Variants in RAMP1 observed in about 807,000 individuals in gnomAD.
The protein encoded by RAMP1 is receptor activity modifying protein 1, also known as receptor activity-modifying protein 1.
Under a neutral mutation model 8.2 loss-of-function variants are expected in RAMP1, and 7 were observed. That is an observed-to-expected ratio of 0.85 (90% CI 0.49 to 1.60). RAMP1 has a LOEUF of 1.60. Among genes scored for constraint, RAMP1 ranks in the 40% most tolerant of loss-of-function variants. The pLI, the probability that RAMP1 is intolerant of heterozygous loss-of-function variation, is 0.00. For missense variants in RAMP1, 192 were observed against 202.4 expected (o/e 0.95, Z 0.31); for synonymous variants, 92 against 84.7 (o/e 1.09, Z -0.47).
intron 2 of RAMP1, among the ~76,000 whole-genome samples, chr2:237,906,914 G>A (rs1257576530): frequency 3.3e-5 from 5 of 151,920 alleles, no homozygotes; most frequent in Admixed American, 6.6e-5. Flanking sequence ...GTAGAGATGA[G>A]GTTTCACCAT....
At chr2:237,892,879 T>G (rs2062500415) in intron 2 of RAMP1, among the ~76,000 whole-genome samples, 1 of 152,210 alleles carries the variant, frequency 6.6e-6, no homozygotes, top group African/African-American at 2.4e-5. Flanking sequence ...TTTACGCTGT[T>G]TTTCTGACAG....
At chr2:237,891,271 C>G (rs1458449818) in intron 2 of RAMP1, among the ~76,000 whole-genome samples, 1 of 151,910 alleles carries the variant, frequency 6.6e-6, no homozygotes. Flanking sequence ...CTGCCTCAGA[C>G]TCCTGAGTAG....
intron 2 of RAMP1, among the ~76,000 whole-genome samples, chr2:237,881,851 GT>G (rs146505309): frequency 6.8e-6 from 1 of 146,976 alleles, no homozygotes; most frequent in African/African-American, 2.5e-5. Context: ...TTTCAACTTT[GT>G]TTTTTTTTTC....
chr2:237,906,382 A>G (rs936880239), intron 2 of RAMP1, among the ~76,000 whole-genome samples: 2 of 152,116 alleles, frequency 1.3e-5, no homozygotes, highest in African/African-American at 2.4e-5. Flanking sequence ...CAGGAAGGAA[A>G]AACAGTGACC....
chr2:237,884,003 G>T (rs974228558), intron 2 of RAMP1, among the ~76,000 whole-genome samples: 1 of 144,208 alleles, frequency 6.9e-6, no homozygotes, highest in Non-Finnish European at 1.5e-5. Flanking sequence ...GGATCTGCAC[G>T]CAGGTGCTTG....
intron 2 of RAMP1, among the ~76,000 whole-genome samples, chr2:237,899,657 G>T (rs190349260): frequency 1.3e-5 from 2 of 152,242 alleles, no homozygotes; most frequent in Non-Finnish European, 2.9e-5. Flanking sequence ...AGGTGGAAGC[G>T]AAGGGCATCT....
Position 237,911,831 on chromosome 2 carries a change from C to G in RAMP1, c.*48C>G. 1 of 1,543,870 alleles carries G rather than the reference C, an allele frequency of 6.5e-7. No homozygotes were observed. The highest frequency in any genetic ancestry group is 8.8e-7 in the Non-Finnish European group (1 of 1,141,376). On this transcript the variant is annotated 3_prime_UTR_variant, in exon 3 of 3. Coordinates refer to ENST00000254661, the MANE Select transcript of RAMP1 (RefSeq NM_005855.4). The stretch of plus-strand genomic sequence containing the variant: ...GTGCACCCAGGCTGCAGGGTGAGGC[C>G]AGGCAGGCCTGGGTAGGGGCAGCTT...
intron 2 of RAMP1, among the ~76,000 whole-genome samples, chr2:237,888,512 G>C (rs2062457988): frequency 6.6e-6 from 1 of 152,192 alleles, no homozygotes; most frequent in Non-Finnish European, 1.5e-5. Context: ...GATTTCCTCT[G>C]TAGTTTTAGT....
chr2:237,892,457 A>G lies in RAMP1; in HGVS notation c.191+15095A>G, dbSNP rs144568214. On this transcript the variant is annotated intron_variant, in intron 2 of 2. Transcript: ENST00000254661. ...CTATTTTTTGTAGAGATGGGGTCTC[A>G]CTGTGTTGCCCAGGCTGGTCTTGAA... 9.9e-3 allele frequency among the ~76,000 whole-genome samples: 1,509 copies of G among 151,816 alleles called. 30 individuals are homozygous for G. Among genetic ancestry groups the G allele is most frequent in the African/African-American group, 0.035 (1,456 of 41,378 alleles).
intron 1 of RAMP1, 98 bp downstream of exon 1, chr2:237,859,825 G>T (rs1427716156): frequency 1.8e-6 from 2 of 1,124,154 alleles, no homozygotes; most frequent in Non-Finnish European, 2.3e-6. Context: ...GGTGGGAGCG[G>T]GTGGGGGCGG....
chr2:237,876,039 C>A (rs139364603), intron 1 of RAMP1, among the ~76,000 whole-genome samples: 2 of 152,150 alleles, frequency 1.3e-5, no homozygotes, highest in Non-Finnish European at 2.9e-5. Context: ...GTTCCCCCAT[C>A]CGTAAATTGC....
Position 237,911,786 on chromosome 2 carries a change from G to C in RAMP1, c.*3G>C, listed in dbSNP as rs142474660. On this transcript the variant is annotated 3_prime_UTR_variant, in exon 3 of 3. Coordinates refer to ENST00000254661, the MANE Select transcript of RAMP1 (RefSeq NM_005855.4). ...AGCGCACTGAGGGCATTGTGTAGGC[G>C]GGGCCCAGGCTGCCCGCGGGTGCAC... The C allele has an allele frequency of 2.1e-3, 3,299 of 1,598,538 alleles. 71 individuals carry two copies. In the African/African-American group the frequency reaches 0.039, roughly 19 times the overall value.
At chr2:237,881,355 G>A (rs917613366) in intron 2 of RAMP1, among the ~76,000 whole-genome samples, 14 of 152,244 alleles carry the variant, frequency 9.2e-5, no homozygotes, top group Admixed American at 5.9e-4. Context: ...GTTGTGGCCA[G>A]TATTTTCCCA....
chr2:237,877,248 C>T lies in RAMP1; in HGVS notation c.77C>T (p.Ala26Val). The change falls in exon 2 of 3, where the codon GCC becomes GTC. Residue 26 changes from alanine to valine, a missense_variant. Physicochemically the swap from Ala to Val is moderately conservative, Grantham distance 64. Coordinates refer to ENST00000254661, the MANE Select transcript of RAMP1 (RefSeq NM_005855.4). This position sits in a 1 kb window ranked among gnomAD's most constrained non-coding sequence, Gnocchi z 4.4. Reference sequence around the variant, plus strand: ...GCCCATCACCTCTTCATGACCACTGCCTGCCAGGAGGCTAACTACGGTGCC... The same window carrying T: ...GCCCATCACCTCTTCATGACCACTGTCTGCCAGGAGGCTAACTACGGTGCC... The part of the protein sequence containing the change: ...LLAHHLFMTT[A>V]CQEANYGALL... 1.9e-6 allele frequency: 3 copies of T among 1,614,046 alleles called. No individual in the cohort carries two copies. The highest frequency in any genetic ancestry group is 1.1e-5 in the South Asian group (1 of 91,080).
chr2:237,908,012 G>A (rs145396595), intron 2 of RAMP1, among the ~76,000 whole-genome samples: 5 of 152,318 alleles, frequency 3.3e-5, no homozygotes, highest in Non-Finnish European at 7.3e-5. Flanking sequence ...CTGGGTTTGG[G>A]ATTTGTCATT....
intron 1 of RAMP1, among the ~76,000 whole-genome samples, chr2:237,872,233 T>C (rs572403153): frequency 1.8e-3 from 280 of 152,292 alleles, no homozygotes; most frequent in African/African-American, 6.3e-3. Context: ...GGCAGCCTAT[T>C]CTCGGCCTGC....
chr2:237,861,938 G>T (rs2151000735), intron 1 of RAMP1, among the ~76,000 whole-genome samples: 1 of 152,036 alleles, frequency 6.6e-6, no homozygotes, highest in Non-Finnish European at 1.5e-5. Flanking sequence ...GACTCTACAT[G>T]CATTCTGAAA....
intron 1 of RAMP1, among the ~76,000 whole-genome samples, chr2:237,861,170 AATAAAACACT>A (rs1444710447): frequency 6.6e-6 from 1 of 152,212 alleles, no homozygotes; most frequent in African/African-American, 2.4e-5. Flanking sequence ...AGCTTGTGTA[AATAAAACACT>A]ATGTCACGAT....
At chr2:237,899,741 C>T (rs2062579584) in intron 2 of RAMP1, among the ~76,000 whole-genome samples, 1 of 152,188 alleles carries the variant, frequency 6.6e-6, no homozygotes, top group South Asian at 2.1e-4. Flanking sequence ...GGTTTGTTAA[C>T]TTTTTTAAAT....
Sources: gnomAD v4.1 joint callset for allele counts (sites outside exome capture counted in the v4.1 genomes callset) on GRCh38, gnomAD v4.1.1 for gene constraint, Gnocchi (gnomAD v3.1) non-coding constraint, MANE v1.5 for transcripts, NCBI Gene and HGNC (gene_info 2026-07-23, HGNC 2026-07-21) for gene names.